The following DPP10 variants were observed in gnomAD, a reference collection of about 807,000 sequenced individuals.
DPP10 encodes the protein inactive dipeptidyl peptidase 10.
DPP10 carries 33 observed loss-of-function variants against 120.9 expected under a neutral mutation model. That is an observed-to-expected ratio of 0.27 (90% CI 0.21 to 0.37). DPP10 has a LOEUF of 0.37. DPP10 is among the 10% of genes least tolerant of loss of function. The probability of loss-of-function intolerance (pLI) is 1.00; values close to 1 mark genes in which losing one functional copy is unlikely to be tolerated. For synonymous variants in DPP10, 337 were observed against 326.1 expected (o/e 1.03, Z -0.36); for missense variants, 816 against 942.8 (o/e 0.87, Z 1.76).
intron 1 of DPP10, among the ~76,000 whole-genome samples, chr2:115,233,535 C>T (rs1433276033): frequency 6.6e-6 from 1 of 151,992 alleles, no homozygotes; most frequent in East Asian, 1.9e-4. Context: ...TTTCCCATCG[C>T]CTTCATGTGC....
Position 114,761,075 on chromosome 2 carries a change from G to T in DPP10, c.60+318237G>T, listed in dbSNP as rs572350869. Among the ~76,000 whole-genome samples the T allele has an allele frequency of 5.2e-4, 79 of 152,128 alleles. 1 individual carries two copies. Among genetic ancestry groups the T allele is most frequent in the Admixed American group, 5.1e-3 (78 of 15,282 alleles). ...TCTCCGTGTTGCAGCTAAAACATTG[G>T]GGCTCAGTTGACTTAAGAAATTTGC... On this transcript the variant is annotated intron_variant, in intron 1 of 25. Coordinates refer to ENST00000410059, the MANE Select transcript of DPP10 (RefSeq NM_020868.6).
chr2:115,106,970 G>A (rs942774202), intron 1 of DPP10, among the ~76,000 whole-genome samples: 1 of 151,698 alleles, frequency 6.6e-6, no homozygotes, highest in Admixed American at 6.6e-5. Context: ...AGCTACTCGG[G>A]AGACTGAGGC....
At chr2:114,525,983 G>A (rs1431072109) in intron 1 of DPP10, among the ~76,000 whole-genome samples, 1 of 152,134 alleles carries the variant, frequency 6.6e-6, no homozygotes, top group East Asian at 1.9e-4. Context: ...TGAAAAGCAT[G>A]AGAAATATGA....
chr2:115,263,783 C>T (rs2059349441), intron 1 of DPP10, among the ~76,000 whole-genome samples: 1 of 152,098 alleles, frequency 6.6e-6, no homozygotes, highest in African/African-American at 2.4e-5. Context: ...TTTTCAATTG[C>T]CTTCCTTATA....
At chr2:115,459,691 G>A (rs1038097205) in intron 3 of DPP10, among the ~76,000 whole-genome samples, 6 of 151,796 alleles carry the variant, frequency 4.0e-5, no homozygotes, top group Non-Finnish European at 8.8e-5. Context: ...TAAAGATATT[G>A]TAAACATCAA....
rs146356594 is a variant in DPP10, at chr2:114,907,476, A to G, written c.61-401763A>G. Among the ~76,000 whole-genome samples, 48 of 152,228 alleles carry G rather than the reference A, an allele frequency of 3.2e-4. 2 individuals are homozygous for G. Among genetic ancestry groups the G allele is most frequent in the African/African-American group, 1.1e-3 (46 of 41,562 alleles). On this transcript the variant is annotated intron_variant, in intron 1 of 25. Coordinates refer to ENST00000410059, the MANE Select transcript of DPP10 (RefSeq NM_020868.6). Reference sequence around the variant, plus strand: ...TAAAGCGCTGCTTTTGCTGCATCTCATAGAATTTAGTATGTTGTGTCTTTA... The same window carrying G: ...TAAAGCGCTGCTTTTGCTGCATCTCGTAGAATTTAGTATGTTGTGTCTTTA...
At position 115,822,688 on chromosome 2, in the gene DPP10, ATGCTT is replaced by A. The variant is rs560960358; in HGVS notation, c.1950+6962_1950+6966del. Among the ~76,000 whole-genome samples the A allele has an allele frequency of 4.5e-3, 690 of 152,050 alleles. 8 individuals are homozygous for A. The highest frequency in any genetic ancestry group is 0.016 in the African/African-American group (667 of 41,538). ...AGGTTGTATTGGGTTTTCTGAATCT[ATGCTT>A]TGGTGCTTTCTGTCAATTCTAGAAA... On this transcript the variant is annotated intron_variant, in intron 21 of 25. Coordinates refer to ENST00000410059, the MANE Select transcript of DPP10 (RefSeq NM_020868.6).
chr2:115,289,133 G>A (rs766909697), intron 1 of DPP10, among the ~76,000 whole-genome samples: 13 of 152,010 alleles, frequency 8.6e-5, no homozygotes, highest in Non-Finnish European at 1.3e-4. Context: ...AATCAGTAGC[G>A]CTGCTATGAT....
intron 1 of DPP10, among the ~76,000 whole-genome samples, chr2:115,209,850 T>C (rs1433075764): frequency 1.3e-5 from 2 of 152,070 alleles, no homozygotes; most frequent in Non-Finnish European, 2.9e-5. Context: ...TAGATTTCTA[T>C]CACAATGATA....
intron 1 of DPP10, among the ~76,000 whole-genome samples, chr2:115,274,297 C>T (rs560112257): frequency 2.0e-3 from 297 of 152,240 alleles, no homozygotes; most frequent in Non-Finnish European, 3.6e-3. Flanking sequence ...TGAACCCTGT[C>T]GTTTCCTATT....
intron 1 of DPP10, among the ~76,000 whole-genome samples, chr2:115,073,687 T>C (rs898820429): frequency 6.6e-6 from 1 of 152,360 alleles, no homozygotes; most frequent in East Asian, 1.9e-4. Context: ...ACTGAGATAC[T>C]TAGGTAAATT....
At chr2:114,869,574 A>G (rs1296335448) in intron 1 of DPP10, among the ~76,000 whole-genome samples, 2 of 152,184 alleles carry the variant, frequency 1.3e-5, no homozygotes, top group Admixed American at 6.6e-5. Flanking sequence ...ACCCTAGGTT[A>G]TATAACTTGT....
intron 21 of DPP10, among the ~76,000 whole-genome samples, chr2:115,819,148 G>A (rs886521359): frequency 1.3e-5 from 2 of 152,104 alleles, no homozygotes; most frequent in Non-Finnish European, 2.9e-5. Context: ...GTTTAAAATT[G>A]GAACTAGACT....
intron 1 of DPP10, among the ~76,000 whole-genome samples, chr2:115,049,543 A>G (rs186952509): frequency 1.3e-5 from 2 of 152,346 alleles, no homozygotes; most frequent in African/African-American, 4.8e-5. Flanking sequence ...TTTTAAACTC[A>G]GACTACAGAA....
At chr2:115,826,699 C>T (rs187549738) in intron 21 of DPP10, among the ~76,000 whole-genome samples, 11 of 152,036 alleles carry the variant, frequency 7.2e-5, no homozygotes, top group South Asian at 2.1e-4. Flanking sequence ...CCAGCCTGGG[C>T]GACTTTATTT....
chr2:115,750,146 G>A (rs1182754645), intron 10 of DPP10: 3 of 985,286 alleles, frequency 3.0e-6, no homozygotes, highest in African/African-American at 3.5e-5. Flanking sequence ...AGTTCCAGGA[G>A]GACAGCTACA....
intron 3 of DPP10, among the ~76,000 whole-genome samples, chr2:115,362,090 A>T (rs1380079994): frequency 6.6e-6 from 1 of 152,120 alleles, no homozygotes; most frequent in Non-Finnish European, 1.5e-5. Flanking sequence ...AAATTTACTT[A>T]ATCAGCTTGG....
chr2:114,745,317 G>A (rs1048053694), intron 1 of DPP10, among the ~76,000 whole-genome samples: 4 of 152,112 alleles, frequency 2.6e-5, no homozygotes, highest in African/African-American at 9.7e-5. Flanking sequence ...CTACTTTATT[G>A]ACAAAAGGTC....
At chr2:115,432,452 A>T (rs2071079982) in intron 3 of DPP10, among the ~76,000 whole-genome samples, 1 of 152,032 alleles carries the variant, frequency 6.6e-6, no homozygotes, top group Non-Finnish European at 1.5e-5. Context: ...GACTTTAGGA[A>T]AGCCATTCCT....
Sources: gnomAD v4.1 joint callset for allele counts (sites outside exome capture counted in the v4.1 genomes callset) on GRCh38, gnomAD v4.1.1 for gene constraint, MANE v1.5 for transcripts, NCBI Gene and HGNC (gene_info 2026-07-23, HGNC 2026-07-21) for gene names.